NRN1: variants seen among roughly 807,000 people sequenced by gnomAD.
NRN1 encodes the protein neuritin 1, also known as neuritin.
A neutral mutation model predicts 15.0 loss-of-function variants in NRN1; 4 were observed. The observed-to-expected ratio is 0.27, with a 90% CI of 0.13 to 0.61. NRN1 has a LOEUF of 0.61. Among genes scored for constraint, NRN1 ranks in the 20% least tolerant of loss-of-function variants. NRN1 has a pLI of 0.87. For synonymous variants in NRN1, 85 were observed against 79.8 expected, an observed-to-expected ratio of 1.07 and a Z score of -0.35; for missense variants, 134 against 181.9, an observed-to-expected ratio of 0.74 and a Z score of 1.51.
Position 5,998,489 on chromosome 6 carries a change from T to G in NRN1, c.*487A>C, listed in dbSNP as rs1010423393. On this transcript the variant is annotated 3_prime_UTR_variant, in exon 3 of 3. Transcript: ENST00000244766. The stretch of plus-strand genomic sequence containing the variant: ...AACAAGATACTGTGGAAGAACGACG[T>G]GAGCGTGAATTATTCACCGTATGTT... 1.3e-5 allele frequency: 2 copies of G among 153,500 alleles called. No homozygotes were observed. Among genetic ancestry groups the G allele is most frequent in the Non-Finnish European group, 2.9e-5 (2 of 68,888 alleles). 9.5% of individuals were successfully genotyped at this position (153,500 alleles called of 1,614,324 possible).
intron 1 of NRN1, among the ~76,000 whole-genome samples, chr6:6,006,383 C>G (rs924380475): frequency 6.6e-6 from 1 of 152,144 alleles, no homozygotes; most frequent in Admixed American, 6.5e-5. Context: ...TGCCCCAGAG[C>G]GCACCAAACC....
In NRN1 at chr6:5,998,798, A is replaced by G; in HGVS notation, c.*178T>C. On this transcript the variant is annotated 3_prime_UTR_variant, in exon 3 of 3. Transcript: ENST00000244766. ...CACTGATTGGTAACATTTGGCAAAT[A>G]AAACACAAGAAATCAAACGAAATAA... The G allele has an allele frequency of 1.6e-6, 1 of 614,366 alleles. No individual in the cohort carries two copies. The allele number at this position is 614,366 out of a possible 1,614,324, so 38.1% of individuals were successfully genotyped here.
chr6:6,006,852 G>GC lies in NRN1; in HGVS notation c.-104dup. Reference sequence around the variant, plus strand: ...TAGGCATTGCCAACAAGTTCCGGGAGCGACAGAGACTTTATGCACTGGGAA... The same window carrying GC: ...TAGGCATTGCCAACAAGTTCCGGGAGCCGACAGAGACTTTATGCACTGGGAA... On this transcript the variant is annotated 5_prime_UTR_variant, in exon 1 of 3. Transcript: ENST00000244766. 1.0e-6 allele frequency: 1 copy of GC among 995,754 alleles called. No individual in the cohort carries two copies. The highest frequency in any genetic ancestry group is 1.6e-6 in the Non-Finnish European group (1 of 620,940). 61.7% of individuals were successfully genotyped at this position (995,754 alleles called of 1,614,324 possible). A position where few individuals can be genotyped will look rare whatever the true frequency, so the allele number is the denominator to read the frequency against.
At position 5,998,669 on chromosome 6, in the gene NRN1, A is replaced by T. The variant is rs1757835496; in HGVS notation, c.*307T>A. On this transcript the variant is annotated 3_prime_UTR_variant, in exon 3 of 3. Coordinates refer to ENST00000244766, the MANE Select transcript of NRN1 (RefSeq NM_016588.3). ...TGAGATTCTTTTGCCAACAAAAAAA[A>T]TTAATAATAATAAAATTAAAAAATG... is the stretch of plus-strand genomic sequence containing the variant. 4.4e-6 allele frequency: 1 copy of T among 225,208 alleles called. No homozygotes were observed. Among genetic ancestry groups the T allele is most frequent in the Non-Finnish European group, 8.7e-6 (1 of 115,574 alleles). 14.0% of individuals were successfully genotyped at this position (225,208 alleles called of 1,614,324 possible). A position where few individuals can be genotyped will look rare whatever the true frequency, so the allele number is the denominator to read the frequency against.
At position 5,998,948 on chromosome 6, in the gene NRN1, G is replaced by A. The variant is rs553941135; in HGVS notation, c.*28C>T. ...CCGGGAGCATGGAGTGAGTGTGGGT[G>A]GGCGCGCGGGGGGAGCTGGCCCCAC... On this transcript the variant is annotated 3_prime_UTR_variant, in exon 3 of 3. Coordinates refer to ENST00000244766, the MANE Select transcript of NRN1 (RefSeq NM_016588.3). 3.2e-6 allele frequency: 5 copies of A among 1,539,668 alleles called. No individual in the cohort carries two copies. The Admixed American group carries it at 8.7e-5, about 27-fold the overall frequency.
chr6:5,998,656 G>T lies in NRN1; in HGVS notation c.*320C>A. Reference sequence around the variant, plus strand: ...CCAGGGCCGTTCCTGAGATTCTTTTGCCAACAAAAAAAATTAATAATAATA... The same window carrying T: ...CCAGGGCCGTTCCTGAGATTCTTTTTCCAACAAAAAAAATTAATAATAATA... On this transcript the variant is annotated 3_prime_UTR_variant, in exon 3 of 3. Transcript: ENST00000244766. 1 of 202,076 alleles carries T rather than the reference G, an allele frequency of 4.9e-6. No individual in the cohort carries two copies. The highest frequency in any genetic ancestry group is 1.0e-5 in the Non-Finnish European group (1 of 100,022). The allele number at this position is 202,076 out of a possible 1,614,324, so 12.5% of individuals were successfully genotyped here. A position where few individuals can be genotyped will look rare whatever the true frequency, so the allele number is the denominator to read the frequency against.
At chr6:6,002,121 T>C (rs1757964239) in intron 2 of NRN1, among the ~76,000 whole-genome samples, 1 of 152,216 alleles carries the variant, frequency 6.6e-6, no homozygotes, top group Admixed American at 6.5e-5. Flanking sequence ...TGGGTCTATA[T>C]TGAAGGATCC....
chr6:6,005,104 G>A (rs941659956), intron 1 of NRN1, among the ~76,000 whole-genome samples: 2 of 151,864 alleles, frequency 1.3e-5, no homozygotes, highest in African/African-American at 4.8e-5. Context: ...TTCAAAACGC[G>A]TCCCTCAGGC....
At position 5,998,844 on chromosome 6, in the gene NRN1, C is replaced by T. The variant is rs1696604192; in HGVS notation, c.*132G>A. On this transcript the variant is annotated 3_prime_UTR_variant, in exon 3 of 3. Coordinates refer to ENST00000244766, the MANE Select transcript of NRN1 (RefSeq NM_016588.3). ...AATAAAAAAGAGAATCAGGATTTCC[C>T]ACAATCCTATATGAGTGTTTTCAGC... The T allele has an allele frequency of 3.1e-6, 2 of 646,876 alleles. No individual in the cohort carries two copies. Among genetic ancestry groups the T allele is most frequent in the Admixed American group, 2.9e-5 (1 of 34,232 alleles). 40.1% of individuals were successfully genotyped at this position (646,876 alleles called of 1,614,324 possible).
At chr6:6,006,080 A>C (rs928896192) in intron 1 of NRN1, among the ~76,000 whole-genome samples, 2 of 152,224 alleles carry the variant, frequency 1.3e-5, no homozygotes, top group Admixed American at 1.3e-4. Context: ...AATTTGGCTG[A>C]ATTCATCCTC....
In NRN1 at chr6:5,998,231, TA is replaced by T. The variant is rs1217618232; in HGVS notation, c.*744del. On this transcript the variant is annotated 3_prime_UTR_variant, in exon 3 of 3. Coordinates refer to ENST00000244766, the MANE Select transcript of NRN1 (RefSeq NM_016588.3). ...CAGGTATTACTGTGTGTGTAACAGC[TA>T]AAACAAGAGGGAGGAGGGAAAATAA... 7 of 152,282 alleles carry T rather than the reference TA, an allele frequency of 4.6e-5. No homozygotes were observed. The East Asian group carries it at 1.4e-3, about 29-fold the overall frequency. 9.4% of individuals were successfully genotyped at this position (152,282 alleles called of 1,614,324 possible).
intron 2 of NRN1, 84 bp downstream of exon 2, chr6:6,002,269 G>A: frequency 6.6e-7 from 1 of 1,517,640 alleles, no homozygotes; most frequent in African/African-American, 1.4e-5. Flanking sequence ...GCTGAACGCT[G>A]AGCGCAGGCG....
At chr6:6,003,248 G>A in intron 1 of NRN1, 1 of 1,234,564 alleles carries the variant, frequency 8.1e-7, no homozygotes, top group Non-Finnish European at 1.0e-6. Context: ...TGGACGTCCT[G>A]AGACCTGGCG....
At position 5,998,954 on chromosome 6, in the gene NRN1, G is replaced by GC. The variant is rs1757845850; in HGVS notation, c.*21dup. 1.3e-6 allele frequency: 2 copies of GC among 1,573,892 alleles called. No individual in the cohort carries two copies. Among genetic ancestry groups the GC allele is most frequent in the East Asian group, 4.5e-5 (2 of 44,170 alleles). ...GCATGGAGTGAGTGTGGGTGGGCGC[G>GC]CGGGGGGAGCTGGCCCCACGCTCAG... On this transcript the variant is annotated 3_prime_UTR_variant, in exon 3 of 3. Transcript: ENST00000244766.
intron 2 of NRN1, 88 bp downstream of exon 2, chr6:6,002,265 C>T: frequency 6.6e-7 from 1 of 1,505,136 alleles, no homozygotes; most frequent in Non-Finnish European, 9.1e-7. Flanking sequence ...TGGCGCTGAA[C>T]GCTGAGCGCA....
chr6:6,003,309 C>T, intron 1 of NRN1: 2 of 1,183,148 alleles, frequency 1.7e-6, no homozygotes, highest in Non-Finnish European at 2.1e-6. Context: ...GGCGGGGTCA[C>T]GGATGAGTCT....
At chr6:6,005,933 C>G (rs1325355211) in intron 1 of NRN1, among the ~76,000 whole-genome samples, 3 of 152,184 alleles carry the variant, frequency 2.0e-5, no homozygotes, top group Admixed American at 2.0e-4. Context: ...CTTCCATAAC[C>G]AATCCCAAAC....
intron 1 of NRN1, 143 bp downstream of exon 1, chr6:6,006,552 G>A: frequency 4.1e-6 from 3 of 724,224 alleles, no homozygotes; most frequent in Non-Finnish European, 7.3e-6. Flanking sequence ...TAGTCCCCAG[G>A]AACTGATGCC....
rs1758122618 is a variant in NRN1, at chr6:6,006,814, GA to G, written c.-66del. On this transcript the variant is annotated 5_prime_UTR_variant, in exon 1 of 3. The change creates a premature stop within an existing upstream ORF in the 5' untranslated region. Transcript: ENST00000244766. ...AATAGTTAGTTTAGAGAACGCGGGG[GA>G]AAGCCAAAAAATAGGCATTGCCAAC... The G allele has an allele frequency of 1.3e-6, 2 of 1,527,622 alleles. No individual in the cohort carries two copies. The highest frequency in any genetic ancestry group is 3.4e-5 in the Admixed American group (2 of 59,612). 94.6% of individuals were successfully genotyped at this position (1,527,622 alleles called of 1,614,324 possible).
Sources: gnomAD v4.1 joint callset for allele counts (sites outside exome capture counted in the v4.1 genomes callset) on GRCh38, gnomAD v4.1.1 for gene constraint, MANE v1.5 for transcripts, NCBI Gene and HGNC (gene_info 2026-07-23, HGNC 2026-07-21) for gene names.